EP300: variants seen among roughly 807,000 people sequenced by gnomAD.
The protein encoded by EP300 is histone acetyltransferase p300.
EP300 carries 31 observed loss-of-function variants against 264.0 expected under a neutral mutation model. The ratio of observed to expected loss-of-function variants is 0.12; its 90% CI spans 0.09 to 0.16. The LOEUF (loss-of-function observed/expected upper bound fraction) is 0.16, where lower values mean the gene tolerates loss of function less well. Among genes scored for constraint, EP300 ranks in the 10% least tolerant of loss-of-function variants. EP300 has a pLI of 1.00. For synonymous variants in EP300, 1,340 were observed against 1,045.4 expected (o/e 1.28, Z -5.44); for missense variants, 2,766 against 3,052.9 (o/e 0.91, Z 2.21).
intron 1 of EP300, among the ~76,000 whole-genome samples, chr22:41,113,157 A>C (rs75002880): frequency 0.064 from 5,833 of 91,460 alleles, 74 homozygotes; most frequent in Admixed American, 0.089. Flanking sequence ...TCAGGATTCC[A>C]CCCCCCCCCC....
At chr22:41,163,434 CAAAAAAA>C (rs763502729) in intron 21 of EP300, among the ~76,000 whole-genome samples, 5 of 44,998 alleles carry the variant, frequency 1.1e-4, no homozygotes, top group Non-Finnish European at 1.8e-4. Flanking sequence ...GACTCCGTCT[CAAAAAAA>C]AAAAAAAAAA....
chr22:41,104,536 C>T (rs1316985833), intron 1 of EP300, among the ~76,000 whole-genome samples: 3 of 152,006 alleles, frequency 2.0e-5, no homozygotes, highest in East Asian at 1.9e-4. Context: ...GCGATCCGCC[C>T]GCCTCGGCCT....
At chr22:41,108,770 T>C (rs2058772330) in intron 1 of EP300, among the ~76,000 whole-genome samples, 2 of 152,222 alleles carry the variant, frequency 1.3e-5, no homozygotes, top group Non-Finnish European at 2.9e-5. Context: ...CCTGGTGATG[T>C]TGATTGGTTG....
chr22:41,146,667 G>A (rs1391705708), intron 10 of EP300, 72 bp from the exon 11 acceptor site: 15 of 1,275,042 alleles, frequency 1.2e-5, no homozygotes, highest in Admixed American at 5.1e-5. Flanking sequence ...TGTGGGGTTT[G>A]TGTGTGCAGT....
intron 10 of EP300, chr22:41,146,480 A>G (rs955670122): frequency 2.9e-5 from 14 of 477,664 alleles, no homozygotes; most frequent in South Asian, 4.2e-5. Context: ...AATGGCTTCA[A>G]TAGCTTATTT....
chr22:41,105,579 A>G (rs2058754285), intron 1 of EP300, among the ~76,000 whole-genome samples: 1 of 151,868 alleles, frequency 6.6e-6, no homozygotes, highest in Non-Finnish European at 1.5e-5. Flanking sequence ...TTGTATTTTT[A>G]GTAGAGATGG....
At chr22:41,137,924 A>G in intron 8 of EP300, 134 bp downstream of exon 8, 1 of 1,214,638 alleles carries the variant, frequency 8.2e-7, no homozygotes, top group Non-Finnish European at 1.2e-6. Flanking sequence ...TGATACTTCT[A>G]CTCTTGTGGA....
intron 1 of EP300, among the ~76,000 whole-genome samples, chr22:41,116,388 C>G (rs1404725312): frequency 6.6e-6 from 1 of 152,106 alleles, no homozygotes; most frequent in Admixed American, 6.6e-5. Context: ...CCAGCAGGCC[C>G]TGGTGTCTGA....
chr22:41,160,583 G>C (rs2145752135), intron 19 of EP300, 59 bp from the exon 20 acceptor site: 1 of 1,564,570 alleles, frequency 6.4e-7, no homozygotes, highest in Non-Finnish European at 8.8e-7. Context: ...TCGTTGCTTG[G>C]CTTGGGCTGT....
chr22:41,095,131 G>C (rs1429740804), intron 1 of EP300, among the ~76,000 whole-genome samples: 1 of 151,702 alleles, frequency 6.6e-6, no homozygotes, highest in Non-Finnish European at 1.5e-5. Flanking sequence ...TTTGGTGTAC[G>C]GTTTTTAATT....
Position 41,117,262 on chromosome 22 carries a change from A to G in EP300, c.170A>G (p.Asn57Ser). 9 of 1,614,202 alleles carry G rather than the reference A, an allele frequency of 5.6e-6. No homozygotes were observed. Among genetic ancestry groups the G allele is most frequent in the East Asian group, 2.2e-5 (1 of 44,888 alleles). The change falls in exon 2 of 31, where the codon AAT (asparagine) becomes AGT (serine). Residue 57 changes from asparagine (N) to serine (S), a missense_variant. Physicochemically the swap from Asn to Ser is conservative, Grantham distance 46. Transcript: ENST00000263253. ...LINSTELGLT[N>S]GGDINQLQTS... ...AACTCTACAGAATTGGGACTAACCA[A>G]TGGTGGTGATATTAATCAGCTTCAG... is the stretch of plus-strand genomic sequence containing the variant.
At chr22:41,116,024 T>C (rs1268081610) in intron 1 of EP300, among the ~76,000 whole-genome samples, 1 of 152,224 alleles carries the variant, frequency 6.6e-6, no homozygotes, top group Non-Finnish European at 1.5e-5. Flanking sequence ...AGTTTGTGTG[T>C]AGATATTTTA....
intron 4 of EP300, among the ~76,000 whole-genome samples, chr22:41,129,320 T>A (rs993862960): frequency 6.6e-6 from 1 of 152,100 alleles, no homozygotes; most frequent in African/African-American, 2.4e-5. Flanking sequence ...CAAAACACAC[T>A]ATCGTTTTTG....
Position 41,157,208 on chromosome 22 carries a change from A to G in EP300, c.3301A>G (p.Thr1101Ala). 6.2e-7 allele frequency: 1 copy of G among 1,614,172 alleles called. No individual in the cohort carries two copies. The highest frequency in any genetic ancestry group is 1.1e-5 in the South Asian group (1 of 91,082). Residue 1101 changes from threonine (T) to alanine (A), a missense_variant, in exon 18 of 31, where the codon ACC (threonine) becomes GCC (alanine). Coordinates refer to ENST00000263253, the MANE Select transcript of EP300 (RefSeq NM_001429.4). ...TGTGAAGAGCCCCATGGATCTTTCT[A>G]CCATTAAGAGGAAGTTAGACACTGG... ...DIVKSPMDLS[T>A]IKRKLDTGQY... is the part of the protein sequence containing the mutation.
intron 23 of EP300, 93 bp downstream of exon 23, chr22:41,166,759 A>G (rs1205429471): frequency 3.4e-5 from 25 of 738,612 alleles, no homozygotes; most frequent in Non-Finnish European, 4.7e-5. Flanking sequence ...TTTTAATCAC[A>G]GTAATAGAGT....
In EP300 at chr22:41,151,909, A is replaced by T. The variant is rs374345478; in HGVS notation, c.2894A>T (p.Gln965Leu). Residue 965 changes from glutamine (Q) to leucine (L), a missense_variant, in exon 15 of 31, where the codon CAG becomes CTG. By Grantham distance (113) the Gln-to-Leu change is moderately radical. Coordinates refer to ENST00000263253, the MANE Select transcript of EP300 (RefSeq NM_001429.4). ...ACTAGTAGCACAGAAGTGAATTCTC[A>T]GGCCATTGCTGAGAAGCAGCCTTCC... ...PSTSSTEVNSQAIAEKQPSQE... is the reference protein window; with the variant it reads ...PSTSSTEVNSLAIAEKQPSQE... 6.6e-5 allele frequency: 107 copies of T among 1,613,880 alleles called. No individual in the cohort carries two copies. Among genetic ancestry groups the T allele is most frequent in the Non-Finnish European group, 8.8e-5 (104 of 1,179,912 alleles).
intron 1 of EP300, among the ~76,000 whole-genome samples, chr22:41,113,270 GTA>G (rs2145691909): frequency 6.8e-6 from 1 of 147,508 alleles, no homozygotes; most frequent in East Asian, 2.0e-4. Flanking sequence ...TATTTATTTT[GTA>G]TGTTTTCTTC....
intron 3 of EP300, chr22:41,126,305 A>AT (rs1389163305): frequency 1.7e-5 from 7 of 420,116 alleles, no homozygotes; most frequent in African/African-American, 1.4e-4. Flanking sequence ...GGGGCCTGCC[A>AT]TTCAGCAACT....
intron 1 of EP300, among the ~76,000 whole-genome samples, chr22:41,100,740 T>C (rs546769751): frequency 6.6e-6 from 1 of 152,322 alleles, no homozygotes; most frequent in East Asian, 1.9e-4. Context: ...AAATACTACA[T>C]GTCCCCTTTA....
Sources: gnomAD v4.1 joint callset for allele counts (sites outside exome capture counted in the v4.1 genomes callset) on GRCh38, gnomAD v4.1.1 for gene constraint, MANE v1.5 for transcripts, NCBI Gene and HGNC (gene_info 2026-07-23, HGNC 2026-07-21) for gene names.